Variants in PLAAT3 observed in about 807,000 individuals in gnomAD.
PLAAT3 encodes Ca-independent phospholipase A1/2.
PLAAT3 carries 21 observed loss-of-function variants against 16.7 expected under a neutral mutation model. The observed-to-expected ratio is 1.26, with a 90% CI of 0.89 to 1.81. The LOEUF is 1.81. Among genes scored for constraint, PLAAT3 ranks in the 40% most tolerant of loss-of-function variants. The pLI, the probability that PLAAT3 is intolerant of heterozygous loss-of-function variation, is 0.00. For missense variants in PLAAT3, 219 were observed against 213.7 expected, an observed-to-expected ratio of 1.02 and a Z score of -0.16; for synonymous variants, 76 against 81.7, an observed-to-expected ratio of 0.93 and a Z score of 0.38.
At chr11:63,595,013 G>A (rs763186421) in intron 3 of PLAAT3, among the ~76,000 whole-genome samples, 6 of 152,058 alleles carry the variant, frequency 3.9e-5, no homozygotes, top group South Asian at 2.1e-4. Context: ...TTCAAGGGCC[G>A]TGCGCGGTGG....
At chr11:63,589,990 T>A in intron 4 of PLAAT3, 110 bp downstream of exon 4, 2 of 843,318 alleles carry the variant, frequency 2.4e-6, no homozygotes, top group Non-Finnish European at 3.5e-6. Flanking sequence ...AGGGCAGTAA[T>A]TCTGTCTCTG....
intron 2 of PLAAT3, among the ~76,000 whole-genome samples, chr11:63,600,583 G>GTTTTTTTTTT (rs1555045453): frequency 7.5e-6 from 1 of 132,624 alleles, no homozygotes; most frequent in African/African-American, 2.8e-5. Context: ...TGGTTTTTTT[G>GTTTTTTTTTT]TTTTTTTTGT....
chr11:63,582,487 T>TG (rs1375524206), intron 4 of PLAAT3, among the ~76,000 whole-genome samples: 2 of 152,164 alleles, frequency 1.3e-5, no homozygotes, highest in Non-Finnish European at 2.9e-5. Context: ...TTGGATCATG[T>TG]GGGAAGAATT....
chr11:63,592,255 C>G (rs575396862), intron 3 of PLAAT3, among the ~76,000 whole-genome samples: 7 of 152,210 alleles, frequency 4.6e-5, no homozygotes, highest in African/African-American at 7.2e-5. Flanking sequence ...CAACCTCCTC[C>G]TCCTCAGTTC....
At chr11:63,611,387 T>C (rs536539079) in intron 2 of PLAAT3, among the ~76,000 whole-genome samples, 59 of 152,322 alleles carry the variant, frequency 3.9e-4, no homozygotes, top group African/African-American at 1.3e-3. Flanking sequence ...CCCCAAAAAA[T>C]GTCTTATTCA....
intron 4 of PLAAT3, among the ~76,000 whole-genome samples, chr11:63,576,616 G>A (rs938189071): frequency 6.6e-6 from 1 of 152,192 alleles, no homozygotes; most frequent in African/African-American, 2.4e-5. Flanking sequence ...CAGCAAGAAT[G>A]AGGTGAGGTA....
intron 2 of PLAAT3, among the ~76,000 whole-genome samples, chr11:63,599,267 G>T (rs1938366093): frequency 6.6e-6 from 1 of 152,156 alleles, no homozygotes; most frequent in East Asian, 1.9e-4. Flanking sequence ...CCACAGTCAG[G>T]GCTAAACTGC....
At chr11:63,601,078 A>G (rs1590696136) in intron 2 of PLAAT3, among the ~76,000 whole-genome samples, 1 of 145,436 alleles carries the variant, frequency 6.9e-6, no homozygotes, top group East Asian at 2.0e-4. Context: ...TTTTTGAGGC[A>G]GAGTCTCTCT....
chr11:63,580,479 C>A (rs542396075), intron 4 of PLAAT3, among the ~76,000 whole-genome samples: 1 of 152,178 alleles, frequency 6.6e-6, no homozygotes, highest in Middle Eastern at 3.4e-3. Flanking sequence ...CATGGTGAAA[C>A]CCCATCTCTA....
chr11:63,585,442 G>T (rs891408952), intron 4 of PLAAT3, among the ~76,000 whole-genome samples: 3 of 152,028 alleles, frequency 2.0e-5, no homozygotes, highest in South Asian at 2.1e-4. Context: ...GACGTTTTTG[G>T]TTCTTACATC....
At chr11:63,589,124 A>G (rs1565249849) in intron 4 of PLAAT3, among the ~76,000 whole-genome samples, 2 of 152,024 alleles carry the variant, frequency 1.3e-5, no homozygotes, top group African/African-American at 4.8e-5. Flanking sequence ...CAAGATGAGT[A>G]TTATCATTCG....
At chr11:63,583,244 T>C (rs1937873192) in intron 4 of PLAAT3, among the ~76,000 whole-genome samples, 2 of 152,228 alleles carry the variant, frequency 1.3e-5, no homozygotes, top group African/African-American at 2.4e-5. Flanking sequence ...AAAAGATAAT[T>C]AGGCATGGTT....
At chr11:63,586,519 T>C (rs1937983280) in intron 4 of PLAAT3, among the ~76,000 whole-genome samples, 1 of 152,218 alleles carries the variant, frequency 6.6e-6, no homozygotes, top group South Asian at 2.1e-4. Flanking sequence ...TACCAAATAT[T>C]CTTAACGTAG....
At chr11:63,603,741 CACACACACACACAG>C (rs761980025) in intron 2 of PLAAT3, among the ~76,000 whole-genome samples, 5,918 of 138,278 alleles carry the variant, frequency 0.043, 243 homozygotes, top group Admixed American at 0.11. Flanking sequence ...CACACACACA[CACACACACACACAG>C]ACAGAGATAT....
chr11:63,599,554 A>C (rs1938371957), intron 2 of PLAAT3, among the ~76,000 whole-genome samples: 1 of 152,238 alleles, frequency 6.6e-6, no homozygotes, highest in Non-Finnish European at 1.5e-5. Context: ...AACTACAAAC[A>C]GGTAGCATGT....
chr11:63,586,426 G>A (rs963355881), intron 4 of PLAAT3, among the ~76,000 whole-genome samples: 9 of 152,262 alleles, frequency 5.9e-5, no homozygotes, highest in African/African-American at 1.7e-4. Flanking sequence ...GAGCCACCAC[G>A]CCCGGCCAGC....
chr11:63,610,683 GC>G (rs1938670496), intron 2 of PLAAT3, among the ~76,000 whole-genome samples: 1 of 152,160 alleles, frequency 6.6e-6, no homozygotes, highest in South Asian at 2.1e-4. Context: ...AGATCACAGA[GC>G]AGTCAATGAC....
upstream of PLAAT3, among the ~76,000 whole-genome samples, chr11:63,616,005 T>G (rs1387174953): frequency 1.3e-5 from 2 of 152,160 alleles, no homozygotes; most frequent in Non-Finnish European, 2.9e-5. Context: ...GCCACGTATT[T>G]GTCATGTACA....
chr11:63,593,935 G>A (rs186549269), intron 3 of PLAAT3, among the ~76,000 whole-genome samples: 298 of 152,292 alleles, frequency 2.0e-3, no homozygotes, highest in Non-Finnish European at 3.6e-3. Context: ...GGAACTGGCC[G>A]TGAGTGGCAA....
Sources: allele counts gnomAD v4.1 joint callset (sites outside exome capture counted in the v4.1 genomes callset), GRCh38; gene constraint gnomAD v4.1.1; transcripts MANE v1.5; gene names NCBI Gene and HGNC (gene_info 2026-07-23, HGNC 2026-07-21).